Variants in EPHA3 observed in about 807,000 individuals in gnomAD.
EPHA3 encodes ephrin type-A receptor 3.
Under a neutral mutation model 107.1 loss-of-function variants are expected in EPHA3, and 42 were observed. That is an observed-to-expected ratio of 0.39 (90% CI 0.31 to 0.51). The LOEUF (loss-of-function observed/expected upper bound fraction) is 0.51. EPHA3 is among the 20% of genes least tolerant of loss of function. The pLI is 0.78. For synonymous variants in EPHA3, 461 were observed against 424.8 expected, an observed-to-expected ratio of 1.09 and a Z score of -1.05; for missense variants, 1,183 against 1,211.2, an observed-to-expected ratio of 0.98 and a Z score of 0.35.
rs768652723 is a variant in EPHA3 at position 89,449,388 on chromosome 3, G to A, written c.2496+14G>A. 6.4e-7 allele frequency: 1 copy of A among 1,569,272 alleles called. No individual in the cohort carries two copies. Among genetic ancestry groups the A allele is most frequent in the Non-Finnish European group, 8.7e-7 (1 of 1,149,798 alleles). On this transcript the variant is annotated intron_variant, in intron 14 of 16. Transcript: ENST00000336596. The stretch of plus-strand genomic sequence containing the variant: ...TCCAATCAGGATGTAAGTATTTGTG[G>A]TCTATGAGTTATGAGTTCAGATGAA...
chr3:89,284,186 T>C (rs932024468), intron 3 of EPHA3, among the ~76,000 whole-genome samples: 1 of 152,160 alleles, frequency 6.6e-6, no homozygotes, highest in African/African-American at 2.4e-5. Flanking sequence ...TATTTTCACT[T>C]TTTAAAGTCC....
At chr3:89,262,343 G>T (rs1705435886) in intron 3 of EPHA3, among the ~76,000 whole-genome samples, 1 of 152,104 alleles carries the variant, frequency 6.6e-6, no homozygotes, top group Non-Finnish European at 1.5e-5. Context: ...TCAAAATATT[G>T]GTGGGGCCAT....
At chr3:89,162,431 G>C (rs1351050462) in intron 2 of EPHA3, among the ~76,000 whole-genome samples, 1 of 152,194 alleles carries the variant, frequency 6.6e-6, no homozygotes, top group Non-Finnish European at 1.5e-5. Flanking sequence ...AGCAGAATTT[G>C]TTCTTTGAGG....
chr3:89,345,603 TTTC>T (rs1707627886), intron 5 of EPHA3, among the ~76,000 whole-genome samples: 3 of 134,614 alleles, frequency 2.2e-5, no homozygotes, highest in Admixed American at 7.2e-5. Flanking sequence ...TCAGTGACAA[TTTC>T]TTTTTTTTTT....
chr3:89,253,505 G>C (rs1343865985), intron 3 of EPHA3, among the ~76,000 whole-genome samples: 1 of 152,096 alleles, frequency 6.6e-6, no homozygotes, highest in Non-Finnish European at 1.5e-5. Flanking sequence ...CCTCTATTAA[G>C]ACATGTATAT....
At chr3:89,330,313 A>T (rs566413339) in intron 3 of EPHA3, among the ~76,000 whole-genome samples, 3 of 152,222 alleles carry the variant, frequency 2.0e-5, no homozygotes, top group Admixed American at 6.5e-5. Flanking sequence ...CTGCCATGAA[A>T]TCACTCAAAG....
chr3:89,253,833 T>A (rs1279343903), intron 3 of EPHA3, among the ~76,000 whole-genome samples: 1 of 148,770 alleles, frequency 6.7e-6, no homozygotes, highest in African/African-American at 2.5e-5. Flanking sequence ...GTTTTTTTTT[T>A]AAGTAGCAAA....
At chr3:89,340,566 T>C (rs1226493992) in intron 3 of EPHA3, among the ~76,000 whole-genome samples, 2 of 152,230 alleles carry the variant, frequency 1.3e-5, no homozygotes, top group African/African-American at 4.8e-5. Context: ...CATTGCATCA[T>C]GTTTTAAAAA....
At chr3:89,189,525 G>A (rs1418635809) in intron 2 of EPHA3, among the ~76,000 whole-genome samples, 22 of 152,124 alleles carry the variant, frequency 1.4e-4, no homozygotes, top group Admixed American at 1.3e-3. Flanking sequence ...CCCAGGAGGC[G>A]GAGGTTGCAG....
chr3:89,124,651 C>T (rs746820869), intron 1 of EPHA3, among the ~76,000 whole-genome samples: 10 of 151,744 alleles, frequency 6.6e-5, no homozygotes, highest in Non-Finnish European at 1.0e-4. Flanking sequence ...ATTAAATTTA[C>T]GAGAAGGAAG....
rs1707003620 is a variant in EPHA3 at position 89,107,694 on chromosome 3, T to C, written c.-55T>C. The C allele has an allele frequency of 1.3e-6, 2 of 1,516,436 alleles. No individual in the cohort carries two copies. Among genetic ancestry groups the C allele is most frequent in the Non-Finnish European group, 9.2e-7 (1 of 1,092,714 alleles). The allele number at this position is 1,516,436 out of a possible 1,614,324, so 93.9% of individuals were successfully genotyped here. ...AGCAATCAGAGCGCTCCCCCTCACA[T>C]CAGTGGCATGCTTCATGGAGATATG... On this transcript the variant is annotated 5_prime_UTR_variant, in exon 1 of 17. Transcript: ENST00000336596.
intron 10 of EPHA3, 119 bp from the exon 11 acceptor site, chr3:89,419,086 T>C: frequency 9.7e-7 from 1 of 1,025,644 alleles, no homozygotes; most frequent in South Asian, 1.8e-5. Context: ...AGTGTACATC[T>C]TGCAGGTCAA....
intron 2 of EPHA3, among the ~76,000 whole-genome samples, chr3:89,148,417 A>G (rs918533293): frequency 6.6e-6 from 1 of 151,980 alleles, no homozygotes; most frequent in Non-Finnish European, 1.5e-5. Flanking sequence ...AGCATTAAGC[A>G]AATTTATTTA....
chr3:89,231,082 T>C (rs2107224970), intron 3 of EPHA3, among the ~76,000 whole-genome samples: 1 of 152,240 alleles, frequency 6.6e-6, no homozygotes, highest in Non-Finnish European at 1.5e-5. Context: ...AATAATTGAA[T>C]TTATGTAATG....
chr3:89,371,295 A>G (rs1232586628), intron 5 of EPHA3, among the ~76,000 whole-genome samples: 1 of 151,736 alleles, frequency 6.6e-6, no homozygotes, highest in Non-Finnish European at 1.5e-5. Flanking sequence ...AAACAAAAAC[A>G]TCTTTTATCT....
intron 3 of EPHA3, among the ~76,000 whole-genome samples, chr3:89,211,016 C>G (rs1267548855): frequency 6.6e-6 from 1 of 152,038 alleles, no homozygotes; most frequent in African/African-American, 2.4e-5. Context: ...TACATGTTTA[C>G]TTACAAGAGA....
At chr3:89,188,037 C>A (rs1284001333) in intron 2 of EPHA3, among the ~76,000 whole-genome samples, 2 of 152,036 alleles carry the variant, frequency 1.3e-5, no homozygotes, top group Admixed American at 6.6e-5. Flanking sequence ...CAATATATAA[C>A]AAGTTACTTT....
At chr3:89,406,970 A>G (rs1189714076) in intron 7 of EPHA3, among the ~76,000 whole-genome samples, 1 of 152,180 alleles carries the variant, frequency 6.6e-6, no homozygotes. Context: ...CATTGAGGAC[A>G]GAGAAACCCA....
chr3:89,269,599 TTTTC>T (rs1206392170), intron 3 of EPHA3, among the ~76,000 whole-genome samples: 1 of 151,728 alleles, frequency 6.6e-6, no homozygotes, highest in African/African-American at 2.4e-5. Context: ...AACAATTTTT[TTTTC>T]TTTCTTTTTT....
Sources: gnomAD v4.1 joint callset for allele counts (sites outside exome capture counted in the v4.1 genomes callset) on GRCh38, gnomAD v4.1.1 for gene constraint, MANE v1.5 for transcripts, NCBI Gene and HGNC (gene_info 2026-07-23, HGNC 2026-07-21) for gene names.